The following MACF1 variants were observed in gnomAD, a reference collection of about 807,000 sequenced individuals.
The protein encoded by MACF1 is microtubule actin crosslinking factor 1.
A neutral mutation model predicts 854.8 loss-of-function variants in MACF1; 193 were observed. The ratio of observed to expected loss-of-function variants is 0.23; its 90% CI spans 0.20 to 0.25. The LOEUF (loss-of-function observed/expected upper bound fraction) is 0.25. Among genes scored for constraint, MACF1 ranks in the 10% least tolerant of loss-of-function variants. The probability of loss-of-function intolerance (pLI) is 1.00; values close to 1 mark genes in which losing one functional copy is unlikely to be tolerated. For synonymous variants in MACF1, 3,185 were observed against 3,226.7 expected (o/e 0.99, Z 0.44); for missense variants, 7,722 against 8,929.1 (o/e 0.86, Z 5.45).
intron 58 of MACF1, 108 bp from the exon 59 acceptor site, chr1:39,422,265 TG>T: frequency 1.3e-6 from 1 of 790,266 alleles, no homozygotes; most frequent in Non-Finnish European, 2.0e-6. Context: ...TTTTTATTCC[TG>T]GTCGTCTTTC....
intron 58 of MACF1, chr1:39,414,599 T>C (rs754717449): frequency 4.2e-6 from 6 of 1,442,300 alleles, no homozygotes; most frequent in Non-Finnish European, 5.6e-6. Context: ...CTCCCGGGCT[T>C]ATAGTTTGTA....
intron 26 of MACF1, 69 bp from the exon 27 acceptor site, chr1:39,315,444 A>T: frequency 6.9e-7 from 1 of 1,454,474 alleles, no homozygotes; most frequent in Non-Finnish European, 9.5e-7. Flanking sequence ...GCTATTACAA[A>T]TGTGGACTTC....
In MACF1 at chr1:39,459,087, G is replaced by T. The variant is rs1644498822; in HGVS notation, c.21198G>T (p.Arg7066Ser). 6.2e-7 allele frequency: 1 copy of T among 1,607,456 alleles called. No individual in the cohort carries two copies. Among genetic ancestry groups the T allele is most frequent in the South Asian group, 1.1e-5 (1 of 90,102 alleles). The stretch of plus-strand genomic sequence containing the variant: ...TCTTGTGATTATTTTTCCTTTTAGG[G>T]AAATCCCTAAGTCAGCCAACCCCTC... ...PFIEKSRSGG[R>S]KSLSQPTPPP... is the part of the protein sequence containing the mutation. Residue 7066 changes from arginine to serine, a missense_variant and splice_region_variant, in exon 91 of 101, where the codon AGG (arginine) becomes AGT (serine). Physicochemically the swap from Arg to Ser is moderately radical, Grantham distance 110. Coordinates refer to ENST00000564288, the MANE Select transcript of MACF1 (RefSeq NM_001394062.1).
chr1:39,283,398 TTC>T lies in MACF1; in HGVS notation c.809-4_809-3del, dbSNP rs762706950. On this transcript the variant is annotated splice_polypyrimidine_tract_variant and intron_variant, in intron 8 of 100. Coordinates refer to ENST00000564288, the MANE Select transcript of MACF1 (RefSeq NM_001394062.1). This position sits in a 1 kb window ranked among gnomAD's most constrained non-coding sequence, Gnocchi z 4.5. ...TTCTGACTAAGAAATTTCTTGTCCA[TTC>T]TCTCTCAGATGTGGATGTGCCATCT... 3.6e-5 allele frequency: 57 copies of T among 1,598,692 alleles called. 1 individual carries two copies. The South Asian group carries it at 5.7e-4, about 16-fold the overall frequency.
intron 15 of MACF1, among the ~76,000 whole-genome samples, chr1:39,289,223 C>T (rs557135716): frequency 6.6e-6 from 1 of 152,274 alleles, no homozygotes; most frequent in South Asian, 2.1e-4. Context: ...CTCTTTGATA[C>T]ACTGATTTCC....
chr1:39,472,775 A>G lies in MACF1; in HGVS notation c.21958+3160A>G, dbSNP rs552479528. On this transcript the variant is annotated intron_variant, in intron 97 of 100. Transcript: ENST00000564288. ...TGTGAGCTTAAGAGCATAAGGACCA[A>G]GAAGATGGAAATTACAGAGAGAGGA... Among the ~76,000 whole-genome samples, 20 of 152,346 alleles carry G rather than the reference A, an allele frequency of 1.3e-4. 1 individual carries two copies. The South Asian group carries it at 3.9e-3, about 30-fold the overall frequency.
intron 2 of MACF1, among the ~76,000 whole-genome samples, chr1:39,109,242 A>G (rs1217219553): frequency 1.3e-5 from 2 of 152,086 alleles, no homozygotes; most frequent in Non-Finnish European, 1.5e-5. Flanking sequence ...CTCTGGGCAT[A>G]TATTTGTCCT....
intron 97 of MACF1, among the ~76,000 whole-genome samples, chr1:39,478,282 C>T (rs1235782594): frequency 1.3e-5 from 2 of 152,180 alleles, no homozygotes; most frequent in African/African-American, 2.4e-5. Flanking sequence ...GGATTACAGA[C>T]ATGAGCCACT....
intron 23 of MACF1, among the ~76,000 whole-genome samples, chr1:39,305,691 G>A (rs926077567): frequency 6.6e-6 from 1 of 152,130 alleles, no homozygotes; most frequent in South Asian, 2.1e-4. Flanking sequence ...ATTGTGAGGC[G>A]ACTGTGCCTT....
chr1:39,204,201 G>A (rs146770087), upstream of MACF1: 1 of 152,394 alleles, frequency 6.6e-6, no homozygotes, highest in Non-Finnish European at 1.5e-5. Flanking sequence ...TTCAACCCTA[G>A]AGGCGGAGGT....
At position 39,368,450 on chromosome 1, in the gene MACF1, A is replaced by T. The variant is rs987570515; in HGVS notation, c.12938+136A>T. Reference sequence around the variant, plus strand: ...CTACTACTGAGTTGTAGGAGGGTGAAAAGTGCCTTTTTTTAGGCAAAGCTA... The same window carrying T: ...CTACTACTGAGTTGTAGGAGGGTGATAAGTGCCTTTTTTTAGGCAAAGCTA... On this transcript the variant is annotated intron_variant, in intron 50 of 100. Coordinates refer to ENST00000564288, the MANE Select transcript of MACF1 (RefSeq NM_001394062.1). The T allele has an allele frequency of 5.8e-6, 5 of 856,260 alleles. No individual in the cohort carries two copies. In the South Asian group the frequency reaches 1.1e-4, roughly 19 times the overall value. 53.0% of individuals were successfully genotyped at this position (856,260 alleles called of 1,614,324 possible).
Position 39,469,528 on chromosome 1 carries a change from T to C in MACF1, c.21890-19T>C. 1.3e-6 allele frequency: 2 copies of C among 1,536,856 alleles called. No individual in the cohort carries two copies. The highest frequency in any genetic ancestry group is 2.4e-5 in the East Asian group (1 of 40,874). The stretch of plus-strand genomic sequence containing the variant: ...CCTGCCCTGTCTGTTTCTTTCTGTT[T>C]ACGTATTTTTTATTCTAGTTCACCA... On this transcript the variant is annotated intron_variant, in intron 96 of 100. Coordinates refer to ENST00000564288, the MANE Select transcript of MACF1 (RefSeq NM_001394062.1).
intron 2 of MACF1, among the ~76,000 whole-genome samples, chr1:39,243,927 A>G (rs1385521881): frequency 6.6e-6 from 1 of 151,918 alleles, no homozygotes; most frequent in East Asian, 1.9e-4. Flanking sequence ...CACCCAGTAA[A>G]TGTTAGCTAG....
chr1:39,221,847 A>G (rs1286925859), intron 1 of MACF1, among the ~76,000 whole-genome samples: 2 of 152,168 alleles, frequency 1.3e-5, no homozygotes, highest in Non-Finnish European at 2.9e-5. Context: ...TCTTTCTGGT[A>G]TAATGTGGCC....
chr1:39,208,365 A>G (rs1193574221), intron 1 of MACF1, among the ~76,000 whole-genome samples: 1 of 152,082 alleles, frequency 6.6e-6, no homozygotes, highest in Non-Finnish European at 1.5e-5. Flanking sequence ...TCTGTGCTGC[A>G]GTAGCACCCT....
At chr1:39,152,290 T>A (rs1643596823) in intron 2 of MACF1, among the ~76,000 whole-genome samples, 1 of 152,164 alleles carries the variant, frequency 6.6e-6, no homozygotes, top group Non-Finnish European at 1.5e-5. Context: ...TGTATATCTT[T>A]AGGTAAAATT....
rs1310491422 is a variant in MACF1 at position 39,318,561 on chromosome 1, G to A, written c.3891G>A (p.Lys1297=). ...EETTAQQEMM[K]PGQAEDSRVL... is the part of the protein sequence containing the mutation. ...CCACTGCCCAGCAGGAAATGATGAA[G>A]CCAGGCCAGGCAGAGGATAGCAGAG... The change falls in exon 30 of 101, where the codon AAG becomes AAA. Residue 1297 remains lysine (K), a synonymous_variant. Coordinates refer to ENST00000564288, the MANE Select transcript of MACF1 (RefSeq NM_001394062.1). 2 of 1,613,938 alleles carry A rather than the reference G, an allele frequency of 1.2e-6. No individual in the cohort carries two copies. The highest frequency in any genetic ancestry group is 1.7e-6 in the Non-Finnish European group (2 of 1,179,960).
At chr1:39,323,500 T>C (rs1646550974) in intron 33 of MACF1, among the ~76,000 whole-genome samples, 2 of 151,420 alleles carry the variant, frequency 1.3e-5, no homozygotes, top group Admixed American at 6.6e-5. Flanking sequence ...GAAGTTAGAA[T>C]ACTATGTATA....
At chr1:39,136,451 G>C (rs945820737) in intron 2 of MACF1, among the ~76,000 whole-genome samples, 1 of 152,180 alleles carries the variant, frequency 6.6e-6, no homozygotes, top group Non-Finnish European at 1.5e-5. Context: ...TCTCCTGTTT[G>C]TTTATAGGGT....
Sources: allele counts gnomAD v4.1 joint callset (sites outside exome capture counted in the v4.1 genomes callset), GRCh38; gene constraint gnomAD v4.1.1; non-coding constraint Gnocchi (gnomAD v3.1); transcripts MANE v1.5; gene names NCBI Gene and HGNC (gene_info 2026-07-23, HGNC 2026-07-21).